Variants in TMEM161B observed in about 807,000 individuals in gnomAD.
The protein encoded by TMEM161B is transmembrane protein 161B.
TMEM161B carries 34 observed loss-of-function variants against 61.8 expected under a neutral mutation model. That is an observed-to-expected ratio of 0.55 (90% CI 0.42 to 0.73). The LOEUF is 0.73. Ranked by LOEUF, TMEM161B falls within the 30% of genes least tolerant of loss-of-function variation. TMEM161B has a pLI of 0.00. For missense variants in TMEM161B, 456 were observed against 558.5 expected (o/e 0.82, Z 1.85); for synonymous variants, 167 against 192.8 (o/e 0.87, Z 1.11).
intron 11 of TMEM161B, 123 bp from the exon 12 acceptor site, chr5:88,196,611 G>A: frequency 9.9e-7 from 1 of 1,012,670 alleles, no homozygotes; most frequent in Non-Finnish European, 1.4e-6. Flanking sequence ...ATCATTTTAT[G>A]TTAAAAATAA....
downstream of TMEM161B, among the ~76,000 whole-genome samples, chr5:88,190,532 G>C (rs576655105): frequency 6.6e-6 from 1 of 152,218 alleles, no homozygotes; most frequent in African/African-American, 2.4e-5. Context: ...TCAGGTGCTT[G>C]AGGGAGCAGA....
At chr5:88,251,728 G>C (rs1259361575) in intron 1 of TMEM161B, among the ~76,000 whole-genome samples, 1 of 152,084 alleles carries the variant, frequency 6.6e-6, no homozygotes, top group Non-Finnish European at 1.5e-5. Context: ...AAAAATCACT[G>C]TAAATCCAAA....
At chr5:88,187,552 ACTT>A (rs1462238968), downstream of TMEM161B, among the ~76,000 whole-genome samples, 4 of 152,166 alleles carry the variant, frequency 2.6e-5, no homozygotes, top group Non-Finnish European at 5.9e-5. Context: ...GTAAAAAGCT[ACTT>A]CTAACTTGCT....
chr5:88,186,903 A>AAAC (rs34811188), downstream of TMEM161B, among the ~76,000 whole-genome samples: 43,548 of 150,816 alleles, frequency 0.29, 7,205 homozygotes, highest in African/African-American at 0.44. Context: ...ACTCTGTCTC[A>AAAC]AACAACAACA....
rs748166740 is a variant in TMEM161B at position 88,202,990 on chromosome 5, G to T, written c.886C>A (p.Pro296Thr). The T allele has an allele frequency of 1.9e-6, 3 of 1,611,058 alleles. No homozygotes were observed. Among genetic ancestry groups the T allele is most frequent in the Non-Finnish European group, 2.5e-6 (3 of 1,177,654 alleles). The change falls in exon 9 of 12, where the codon CCA becomes ACA. Residue 296 changes from proline to threonine, a missense_variant. Transcript: ENST00000296595. ...KPITKDYIMN[P>T]PLGKESIPLM... ...GGGATACTTTCTTTGCCCAGTGGTG[G>T]GTTCATAATGTAGTCTTTGGTGATT...
downstream of TMEM161B, among the ~76,000 whole-genome samples, chr5:88,192,658 T>C (rs541225482): frequency 2.9e-4 from 44 of 152,312 alleles, no homozygotes; most frequent in South Asian, 1.7e-3. Flanking sequence ...GTATCACTAG[T>C]GTGTTTAAAT....
intron 9 of TMEM161B, chr5:88,202,168 A>G (rs1002437826): frequency 8.8e-6 from 4 of 452,900 alleles, no homozygotes; most frequent in African/African-American, 8.0e-5. Context: ...AACCTGCCTC[A>G]AATGAAGATT....
intron 2 of TMEM161B, among the ~76,000 whole-genome samples, chr5:88,239,528 ATAGT>A (rs766541628): frequency 3.4e-4 from 52 of 152,106 alleles, no homozygotes; most frequent in Non-Finnish European, 4.4e-4. Flanking sequence ...CAGTAAAAAA[ATAGT>A]TAAAGATTAT....
At chr5:88,187,022 T>C (rs1748394693), downstream of TMEM161B, among the ~76,000 whole-genome samples, 1 of 152,246 alleles carries the variant, frequency 6.6e-6, no homozygotes, top group Non-Finnish European at 1.5e-5. Flanking sequence ...ATTTGGCTCT[T>C]GAATTGATTC....
intron 1 of TMEM161B, among the ~76,000 whole-genome samples, chr5:88,263,758 AT>A (rs1001006027): frequency 6.6e-6 from 1 of 152,066 alleles, no homozygotes; most frequent in Non-Finnish European, 1.5e-5. Flanking sequence ...AAAAGAACCA[AT>A]TTTTTTTAAG....
chr5:88,256,034 T>C (rs192894243), intron 1 of TMEM161B, among the ~76,000 whole-genome samples: 158 of 152,270 alleles, frequency 1.0e-3, no homozygotes, highest in African/African-American at 3.4e-3. Context: ...TTTTCCGCAG[T>C]ATAAATGACA....
chr5:88,251,956 G>A (rs916315795), intron 1 of TMEM161B, among the ~76,000 whole-genome samples: 1 of 152,104 alleles, frequency 6.6e-6, no homozygotes, highest in Non-Finnish European at 1.5e-5. Flanking sequence ...ATTACTTGTT[G>A]AATGAATGAA....
At position 88,254,886 on chromosome 5, in the gene TMEM161B, T is replaced by C. The variant is rs949751109; in HGVS notation, c.3+13835A>G. On this transcript the variant is annotated intron_variant, in intron 1 of 11. Transcript: ENST00000296595. ...AAAAAAAAAAAAAGATTGATCATCA[T>C]GGGACATTATACAGGTTACAAGAAT... Among the ~76,000 whole-genome samples, 14 of 149,156 alleles carry C rather than the reference T, an allele frequency of 9.4e-5. No homozygotes were observed. The East Asian group carries it at 2.0e-3, about 21-fold the overall frequency.
intron 4 of TMEM161B, 35 bp from the exon 5 acceptor site, chr5:88,220,754 T>TAAA: frequency 1.8e-6 from 2 of 1,140,572 alleles, no homozygotes; most frequent in South Asian, 1.8e-5. Context: ...AAAAAAAAGG[T>TAAA]CAAAAAAAAC....
downstream of TMEM161B, among the ~76,000 whole-genome samples, chr5:88,185,864 A>G (rs1438546851): frequency 6.6e-6 from 1 of 152,224 alleles, no homozygotes; most frequent in Non-Finnish European, 1.5e-5. Context: ...AGTCAAACAG[A>G]CCAAAAAATG....
chr5:88,204,176 C>T (rs1745002124), intron 8 of TMEM161B, among the ~76,000 whole-genome samples: 2 of 152,198 alleles, frequency 1.3e-5, no homozygotes, highest in South Asian at 4.1e-4. Flanking sequence ...TATAAAAACA[C>T]ATCCTAGTGC....
chr5:88,241,951 T>C (rs1038521552), intron 1 of TMEM161B, among the ~76,000 whole-genome samples: 26 of 151,838 alleles, frequency 1.7e-4, no homozygotes, highest in African/African-American at 6.0e-4. Flanking sequence ...GAGCATCTTC[T>C]ATAGAAAGCA....
chr5:88,247,755 A>C (rs10805855), intron 1 of TMEM161B, among the ~76,000 whole-genome samples: 4,599 of 152,178 alleles, frequency 0.03, 334 homozygotes, highest in East Asian at 0.19. Context: ...GGTCCAAACA[A>C]CAAACATCAC....
At chr5:88,210,292 G>A (rs1746445162) in intron 5 of TMEM161B, among the ~76,000 whole-genome samples, 1 of 152,098 alleles carries the variant, frequency 6.6e-6, no homozygotes, top group South Asian at 2.1e-4. Context: ...CCAAAAATAT[G>A]GGAATGTATA....
Sources: gnomAD v4.1 joint callset for allele counts (sites outside exome capture counted in the v4.1 genomes callset) on GRCh38, gnomAD v4.1.1 for gene constraint, MANE v1.5 for transcripts, NCBI Gene and HGNC (gene_info 2026-07-23, HGNC 2026-07-21) for gene names.